KCNMB2: variants seen among roughly 807,000 people sequenced by gnomAD.
KCNMB2 encodes potassium calcium-activated channel subfamily M regulatory beta subunit 2, also known as calcium-activated potassium channel subunit beta-2.
In KCNMB2, 9 loss-of-function variants were observed where a neutral mutation model predicts 24.5. The ratio of observed to expected loss-of-function variants is 0.37; its 90% confidence interval spans 0.22 to 0.64. The LOEUF (loss-of-function observed/expected upper bound fraction) is 0.64, where lower values mean the gene tolerates loss of function less well. KCNMB2 is among the 30% of genes least tolerant of loss of function. KCNMB2 has a pLI of 0.63. For synonymous variants in KCNMB2, 109 were observed against 104.4 expected, an observed-to-expected ratio of 1.04 and a Z score of -0.27; for missense variants, 226 against 284.3, an observed-to-expected ratio of 0.79 and a Z score of 1.47.
intron 1 of KCNMB2, among the ~76,000 whole-genome samples, chr3:178,579,884 C>A (rs1717133906): frequency 6.6e-6 from 1 of 152,146 alleles, no homozygotes. Flanking sequence ...AATTAATCGC[C>A]TACCAACCAA....
chr3:178,676,734 T>C (rs1259049450), intron 1 of KCNMB2, among the ~76,000 whole-genome samples: 1 of 152,194 alleles, frequency 6.6e-6, no homozygotes, highest in African/African-American at 2.4e-5. Flanking sequence ...GGACTTTAGG[T>C]AGCAGAGTCA....
At chr3:178,629,205 C>A (rs889357731) in intron 1 of KCNMB2, among the ~76,000 whole-genome samples, 1 of 152,144 alleles carries the variant, frequency 6.6e-6, no homozygotes, top group Non-Finnish European at 1.5e-5. Context: ...GACTCATTGT[C>A]TTCTATACAT....
At chr3:178,675,892 T>C (rs1721055628) in intron 1 of KCNMB2, among the ~76,000 whole-genome samples, 1 of 152,202 alleles carries the variant, frequency 6.6e-6, no homozygotes, top group Admixed American at 6.5e-5. Flanking sequence ...TATCAACCAG[T>C]TCTAAACAAC....
intron 2 of KCNMB2, among the ~76,000 whole-genome samples, chr3:178,812,827 C>G (rs1202073385): frequency 1.3e-5 from 2 of 152,086 alleles, no homozygotes; most frequent in East Asian, 3.9e-4. Context: ...AAACACCTCA[C>G]AACAGTTTAC....
At chr3:178,691,552 T>C (rs556745165) in intron 1 of KCNMB2, among the ~76,000 whole-genome samples, 1 of 152,294 alleles carries the variant, frequency 6.6e-6, no homozygotes. Context: ...GATAAAGGCC[T>C]CCAGCTCCAT....
rs1279082295 is a variant in KCNMB2, at chr3:178,759,402, G to GAT, written c.-67-47922_-67-47921dup. 4.9e-3 allele frequency among the ~76,000 whole-genome samples: 60 copies of GAT among 12,274 alleles called. 5 individuals are homozygous for GAT. The highest frequency in any genetic ancestry group is 7.1e-3 in the Non-Finnish European group (51 of 7,142). 8.1% of individuals were successfully genotyped at this position (12,274 alleles called of 152,430 possible). On this transcript the variant is annotated intron_variant, in intron 1 of 4. Coordinates refer to ENST00000452583, the MANE Select transcript of KCNMB2 (RefSeq NM_181361.3). ...ATATATATATATATCTCTCCAAGAGGATATATATATATATATATATCTCTC... is the reference window on the plus strand; with the variant it reads ...ATATATATATATATCTCTCCAAGAGGATATATATATATATATATATATCTCTC...
At position 178,660,497 on chromosome 3, in the gene KCNMB2, T is replaced by C. The variant is rs9810112; in HGVS notation, c.-68+123786T>C. The stretch of plus-strand genomic sequence containing the variant: ...CAGGAAACAACTACCCACTTGACCC[T>C]GAGCATCACAATAACTTAGAAATTC... On this transcript the variant is annotated intron_variant, in intron 1 of 4. Coordinates refer to ENST00000452583, the MANE Select transcript of KCNMB2 (RefSeq NM_181361.3). Among the ~76,000 whole-genome samples the C allele has an allele frequency of 7.1e-3, 1,084 of 152,272 alleles. 11 individuals are homozygous for C. Among genetic ancestry groups the C allele is most frequent in the African/African-American group, 0.024 (1,012 of 41,566 alleles).
At chr3:178,636,740 A>C (rs1719537887) in intron 1 of KCNMB2, among the ~76,000 whole-genome samples, 1 of 152,066 alleles carries the variant, frequency 6.6e-6, no homozygotes, top group African/African-American at 2.4e-5. Flanking sequence ...CATTGCTTTT[A>C]TTTTCTTCAA....
At chr3:178,813,290 TTCATGAATTATA>T (rs569424053) in intron 2 of KCNMB2, among the ~76,000 whole-genome samples, 72 of 152,340 alleles carry the variant, frequency 4.7e-4, no homozygotes, top group Admixed American at 1.4e-3. Context: ...TCCTTATTTA[TTCATGAATTATA>T]TCATGAATTA....
chr3:178,609,149 A>G (rs758947519), intron 1 of KCNMB2, among the ~76,000 whole-genome samples: 3 of 152,152 alleles, frequency 2.0e-5, no homozygotes, highest in Non-Finnish European at 2.9e-5. Flanking sequence ...CCTCGCCAGC[A>G]TTTGTTATTG....
chr3:178,641,590 C>T (rs1382032597), intron 1 of KCNMB2, among the ~76,000 whole-genome samples: 1 of 152,084 alleles, frequency 6.6e-6, no homozygotes, highest in East Asian at 1.9e-4. Flanking sequence ...TTGAGATATT[C>T]TGCACACATA....
chr3:178,690,059 T>G (rs61606793), intron 1 of KCNMB2, among the ~76,000 whole-genome samples: 11,430 of 152,238 alleles, frequency 0.075, 573 homozygotes, highest in Middle Eastern at 0.22. Flanking sequence ...AAAATCTGTG[T>G]TTTTAGAAAT....
At chr3:178,773,643 A>G (rs1712466565) in intron 1 of KCNMB2, among the ~76,000 whole-genome samples, 1 of 152,070 alleles carries the variant, frequency 6.6e-6, no homozygotes, top group Admixed American at 6.5e-5. Context: ...CCAGATCCAT[A>G]TTCTTTTTTG....
chr3:178,650,972 T>C (rs545837058), intron 1 of KCNMB2, among the ~76,000 whole-genome samples: 1 of 152,306 alleles, frequency 6.6e-6, no homozygotes, highest in African/African-American at 2.4e-5. Flanking sequence ...GGGCAAGAGC[T>C]GGAAGCATTC....
At chr3:178,813,986 C>CTGT in intron 2 of KCNMB2, among the ~76,000 whole-genome samples, 1 of 114,190 alleles carries the variant, frequency 8.8e-6, no homozygotes, top group African/African-American at 3.2e-5. Flanking sequence ...GTTGTTGTTG[C>CTGT]TGCTGCTGCT....
chr3:178,820,398 A>G (rs573026216), intron 2 of KCNMB2: 2 of 152,670 alleles, frequency 1.3e-5, no homozygotes, highest in Non-Finnish European at 2.9e-5. Flanking sequence ...AACTTAGCAC[A>G]TTGTGTTTCA....
chr3:178,786,360 T>C (rs965334068), intron 1 of KCNMB2, among the ~76,000 whole-genome samples: 7 of 152,108 alleles, frequency 4.6e-5, no homozygotes, highest in African/African-American at 1.4e-4. Flanking sequence ...AATTAATCAT[T>C]AGCTCCCCTT....
intron 1 of KCNMB2, among the ~76,000 whole-genome samples, chr3:178,759,042 GATAT>G (rs1175571508): frequency 0.014 from 4 of 296 alleles, 1 homozygote; most frequent in East Asian, 0.12. Context: ...CTCCAAGAGG[GATAT>G]ATATATATAT....
chr3:178,691,948 G>A (rs986446601), intron 1 of KCNMB2, among the ~76,000 whole-genome samples: 1 of 152,052 alleles, frequency 6.6e-6, no homozygotes, highest in East Asian at 1.9e-4. Context: ...TAGCAATTCT[G>A]ACTGGGGTGA....
Sources: allele counts gnomAD v4.1 joint callset (sites outside exome capture counted in the v4.1 genomes callset), GRCh38; gene constraint gnomAD v4.1.1; transcripts MANE v1.5; gene names NCBI Gene and HGNC (gene_info 2026-07-23, HGNC 2026-07-21).